Variants in SLC18A2 observed in about 807,000 individuals in gnomAD.
SLC18A2 encodes the protein solute carrier family 18 member A2.
A neutral mutation model predicts 59.2 loss-of-function variants in SLC18A2; 33 were observed. The ratio of observed to expected loss-of-function variants is 0.56; its 90% CI spans 0.42 to 0.75. The LOEUF is 0.75. Ranked by LOEUF, SLC18A2 falls within the 30% of genes least tolerant of loss-of-function variation. SLC18A2 has a pLI of 0.00. For synonymous variants in SLC18A2, 228 were observed against 253.5 expected (o/e 0.90, Z 0.95); for missense variants, 569 against 668.6 (o/e 0.85, Z 1.64).
chr10:117,256,823 C>T (rs1044180089), intron 9 of SLC18A2, among the ~76,000 whole-genome samples: 1 of 152,170 alleles, frequency 6.6e-6, no homozygotes, highest in African/African-American at 2.4e-5. Flanking sequence ...AATGTGACTT[C>T]CTGAACCTCG....
intron 3 of SLC18A2, among the ~76,000 whole-genome samples, chr10:117,244,695 T>C (rs1338437254): frequency 6.6e-6 from 1 of 152,230 alleles, no homozygotes; most frequent in Non-Finnish European, 1.5e-5. Flanking sequence ...GGCCTCCTCT[T>C]ATCTCCTACC....
chr10:117,262,759 T>C (rs954568778), intron 10 of SLC18A2, among the ~76,000 whole-genome samples: 1 of 151,990 alleles, frequency 6.6e-6, no homozygotes, highest in Admixed American at 6.6e-5. Flanking sequence ...AGCCTCAACC[T>C]CCTGGGCTCA....
chr10:117,244,103 C>T lies in SLC18A2; in HGVS notation c.254C>T (p.Ser85Leu), dbSNP rs775978426. The T allele has an allele frequency of 4.3e-6, 7 of 1,614,072 alleles. No individual in the cohort carries two copies. The highest frequency in any genetic ancestry group is 3.4e-6 in the Non-Finnish European group (4 of 1,180,052). Reference sequence around the variant, plus strand: ...AGCATCTTCTCCTATTATGATAACTCGACTATGGTCACCGGGAATGCTACC... The same window carrying T: ...AGCATCTTCTCCTATTATGATAACTTGACTATGGTCACCGGGAATGCTACC... Reference protein sequence around the residue: ...FQSIFSYYDNSTMVTGNATRD... With the variant: ...FQSIFSYYDNLTMVTGNATRD... Residue 85 changes from serine to leucine, a missense_variant, in exon 3 of 16, where the codon TCG becomes TTG. Physicochemically the swap from Ser to Leu is moderately radical, Grantham distance 145 (BLOSUM62 -2). Around this residue, in one of 2 missense-constraint regions of SLC18A2, gnomAD observed 377 missense variants for 389.8 expected, o/e 0.97. Transcript: ENST00000644641.
At chr10:117,246,042 G>A (rs544677691) in intron 3 of SLC18A2, among the ~76,000 whole-genome samples, 240 of 152,274 alleles carry the variant, frequency 1.6e-3, no homozygotes, top group Non-Finnish European at 2.1e-3. Context: ...GTTCTCAGGA[G>A]AAAAACCAAA....
At chr10:117,272,655 T>C (rs1000655961) in intron 15 of SLC18A2, among the ~76,000 whole-genome samples, 1 of 152,248 alleles carries the variant, frequency 6.6e-6, no homozygotes, top group Non-Finnish European at 1.5e-5. Flanking sequence ...CCACTTTCAC[T>C]GCAAGATGTT....
At chr10:117,254,720 C>G (rs1844206753) in intron 6 of SLC18A2, among the ~76,000 whole-genome samples, 2 of 152,196 alleles carry the variant, frequency 1.3e-5, no homozygotes, top group Admixed American at 1.3e-4. Flanking sequence ...CCCCAAACCT[C>G]CCTGGGCCCA....
chr10:117,270,711 CT>C (rs1038901807), intron 15 of SLC18A2, among the ~76,000 whole-genome samples: 3 of 152,172 alleles, frequency 2.0e-5, no homozygotes, highest in African/African-American at 7.2e-5. Flanking sequence ...CAGTGTTGCT[CT>C]TTTGTCGACC....
intron 3 of SLC18A2, among the ~76,000 whole-genome samples, chr10:117,252,227 G>A (rs538831076): frequency 3.1e-5 from 4 of 129,260 alleles, no homozygotes; most frequent in Non-Finnish European, 6.3e-5. Context: ...CAGGTGATCC[G>A]CCCACCTCGG....
intron 10 of SLC18A2, among the ~76,000 whole-genome samples, chr10:117,264,104 C>G (rs139096670): frequency 6.6e-6 from 1 of 152,356 alleles, no homozygotes; most frequent in South Asian, 2.1e-4. Flanking sequence ...TCGTGATGAC[C>G]GGAGCCCCTC....
At chr10:117,264,363 C>T (rs539816134) in intron 10 of SLC18A2, among the ~76,000 whole-genome samples, 3 of 152,312 alleles carry the variant, frequency 2.0e-5, no homozygotes, top group South Asian at 2.1e-4. Context: ...GTAATCCTAG[C>T]ACTTTGGGAG....
intron 3 of SLC18A2, among the ~76,000 whole-genome samples, chr10:117,249,385 C>A (rs363400): frequency 0.06 from 9,091 of 152,306 alleles, 444 homozygotes; most frequent in Admixed American, 0.16. Context: ...ACAAGCAGAA[C>A]CTAAGAATTT....
At chr10:117,250,234 C>T (rs536583394) in intron 3 of SLC18A2, among the ~76,000 whole-genome samples, 2 of 152,262 alleles carry the variant, frequency 1.3e-5, no homozygotes, top group Admixed American at 1.3e-4. Flanking sequence ...CACTGAGCAG[C>T]CCATGCAGTG....
chr10:117,265,999 A>G (rs1844343556), intron 10 of SLC18A2, among the ~76,000 whole-genome samples: 1 of 151,098 alleles, frequency 6.6e-6, no homozygotes, highest in Non-Finnish European at 1.5e-5. Context: ...CTGAGGCAAG[A>G]GAATCACTTG....
intron 15 of SLC18A2, among the ~76,000 whole-genome samples, chr10:117,272,983 G>A (rs986640475): frequency 2.6e-5 from 4 of 152,230 alleles, no homozygotes; most frequent in Admixed American, 6.5e-5. Context: ...TGGCGTTCAG[G>A]ATGAGCAGTT....
At chr10:117,245,519 G>A (rs1436387572) in intron 3 of SLC18A2, among the ~76,000 whole-genome samples, 1 of 152,132 alleles carries the variant, frequency 6.6e-6, no homozygotes, top group Admixed American at 6.5e-5. Context: ...TGGGCAGGGA[G>A]CAGGGAGAAC....
At chr10:117,251,273 C>T (rs567425071) in intron 3 of SLC18A2, among the ~76,000 whole-genome samples, 3 of 152,308 alleles carry the variant, frequency 2.0e-5, no homozygotes, top group East Asian at 1.9e-4. Flanking sequence ...ACTGTAGTTG[C>T]TGAAAATAAA....
chr10:117,262,446 C>A (rs372026456), intron 10 of SLC18A2, among the ~76,000 whole-genome samples: 1 of 152,112 alleles, frequency 6.6e-6, no homozygotes, highest in African/African-American at 2.4e-5. Flanking sequence ...GATCTGACAC[C>A]GAGTCAGCAA....
chr10:117,257,788 C>T lies in SLC18A2; in HGVS notation c.896-9C>T, dbSNP rs765480546. 3 of 1,588,752 alleles carry T rather than the reference C, an allele frequency of 1.9e-6. No homozygotes were observed. The highest frequency in any genetic ancestry group is 2.3e-5 in the South Asian group (2 of 88,172). ...AGAAGCCACTACAAAGCCCTTTCCT[C>T]CCTTACAGGCTCCATCTGCTTTGCA... is the stretch of plus-strand genomic sequence containing the variant. On this transcript the variant is annotated splice_polypyrimidine_tract_variant and intron_variant, in intron 9 of 15. Coordinates refer to ENST00000644641, the MANE Select transcript of SLC18A2 (RefSeq NM_003054.6).
intron 3 of SLC18A2, among the ~76,000 whole-genome samples, chr10:117,246,942 C>T (rs943433339): frequency 6.6e-6 from 1 of 152,234 alleles, no homozygotes; most frequent in Non-Finnish European, 1.5e-5. Context: ...GCGTGAGCCA[C>T]CGCCCTCAGC....
Sources: gnomAD v4.1 joint callset for allele counts (sites outside exome capture counted in the v4.1 genomes callset) on GRCh38, gnomAD v4.1.1 for gene constraint, gnomAD v4.1.1 regional missense constraint, MANE v1.5 for transcripts, NCBI Gene and HGNC (gene_info 2026-07-23, HGNC 2026-07-21) for gene names.